Variants in ZNF569 observed in about 807,000 individuals in gnomAD.
ZNF569 encodes zinc finger protein 569.
Under a neutral mutation model 56.3 loss-of-function variants are expected in ZNF569, and 38 were observed. That is an observed-to-expected ratio of 0.68 (90% confidence interval 0.52 to 0.88). The LOEUF (loss-of-function observed/expected upper bound fraction) is 0.88, where lower values mean the gene tolerates loss of function less well. ZNF569 is among the 40% of genes least tolerant of loss of function. ZNF569 has a pLI of 0.00. For missense variants in ZNF569, 666 were observed against 809.2 expected (o/e 0.82, Z 2.15); for synonymous variants, 241 against 262.9 (o/e 0.92, Z 0.81).
intron 3 of ZNF569, among the ~76,000 whole-genome samples, chr19:37,436,645 A>C (rs1206142976): frequency 1.3e-5 from 2 of 152,072 alleles, no homozygotes; most frequent in African/African-American, 4.8e-5. Flanking sequence ...GAGACATTAT[A>C]ACCAATACTG....
At chr19:37,443,370 G>A (rs773124193) in intron 3 of ZNF569, among the ~76,000 whole-genome samples, 11 of 151,952 alleles carry the variant, frequency 7.2e-5, no homozygotes, top group East Asian at 5.8e-4. Flanking sequence ...AAAAAACCAC[G>A]GTCAAAGAAA....
chr19:37,443,079 T>C (rs7256130), intron 3 of ZNF569, among the ~76,000 whole-genome samples: 41,513 of 152,100 alleles, frequency 0.27, 7,100 homozygotes, highest in African/African-American at 0.48. Context: ...GTCGGCCGGG[T>C]GCTGAGGCTC....
At chr19:37,437,668 C>G (rs117424886) in intron 3 of ZNF569, among the ~76,000 whole-genome samples, 1,587 of 152,176 alleles carry the variant, frequency 0.01, 11 homozygotes, top group Non-Finnish European at 0.016. Flanking sequence ...AAATCAATAG[C>G]ATTTCTATAT....
At chr19:37,459,709 A>G (rs1329614387) in intron 2 of ZNF569, among the ~76,000 whole-genome samples, 2 of 152,226 alleles carry the variant, frequency 1.3e-5, no homozygotes, top group Non-Finnish European at 2.9e-5. Context: ...TAAAAGATAA[A>G]TGTTTGTTAA....
upstream of ZNF569, chr19:37,467,902 T>C: frequency 6.5e-7 from 1 of 1,536,108 alleles, no homozygotes; most frequent in Non-Finnish European, 8.7e-7. Context: ...TGTGCATGTA[T>C]TTGTTCTTTC....
At chr19:37,427,070 C>T (rs2041145353) in intron 3 of ZNF569, among the ~76,000 whole-genome samples, 1 of 152,138 alleles carries the variant, frequency 6.6e-6, no homozygotes, top group Non-Finnish European at 1.5e-5. Context: ...GTAATCCCAG[C>T]ACTTTAGGAG....
At chr19:37,421,731 A>ACTGTAGTG (rs2041038798) in intron 5 of ZNF569, among the ~76,000 whole-genome samples, 1 of 145,012 alleles carries the variant, frequency 6.9e-6, no homozygotes, top group African/African-American at 2.6e-5. Context: ...TTGTGTGTAT[A>ACTGTAGTG]CTGTAGTGGC....
chr19:37,431,394 C>CA (rs1458402216), intron 3 of ZNF569, among the ~76,000 whole-genome samples: 1 of 152,156 alleles, frequency 6.6e-6, no homozygotes. Context: ...CAGAGGCCCC[C>CA]ATTCCATGCG....
At chr19:37,465,811 A>G (rs949174916) in intron 1 of ZNF569, among the ~76,000 whole-genome samples, 1 of 152,220 alleles carries the variant, frequency 6.6e-6, no homozygotes, top group East Asian at 1.9e-4. Flanking sequence ...AAAATTTAGA[A>G]AAGTATATTT....
At chr19:37,458,095 A>G (rs1475490370) in intron 2 of ZNF569, among the ~76,000 whole-genome samples, 1 of 152,196 alleles carries the variant, frequency 6.6e-6, no homozygotes, top group East Asian at 1.9e-4. Flanking sequence ...GGTCTTGAAC[A>G]CTTGGGCTCA....
In ZNF569 at chr19:37,413,464, A is replaced by G; in HGVS notation, c.1194T>C (p.Thr398=). ...CACCAGTGTGACTTCTCATATGTAC[A>G]GTAAGGGCTGAGCTTTGAGAGAAGG... ...GKAFSQSSAL[T]VHMRSHTGEK... Residue 398 remains threonine (T), a synonymous_variant, in exon 6 of 6, where the codon ACT becomes ACC. Coordinates refer to ENST00000316950, the MANE Select transcript of ZNF569 (RefSeq NM_152484.3). The G allele has an allele frequency of 6.2e-7, 1 of 1,613,836 alleles. No homozygotes were observed. Among genetic ancestry groups the G allele is most frequent in the Non-Finnish European group, 8.5e-7 (1 of 1,179,912 alleles).
At chr19:37,461,443 A>G (rs1238073361) in intron 2 of ZNF569, among the ~76,000 whole-genome samples, 1 of 151,570 alleles carries the variant, frequency 6.6e-6, no homozygotes, top group East Asian at 1.9e-4. Context: ...AGTAGCTGGG[A>G]CTACAGGTGT....
At chr19:37,438,101 C>T (rs2041342907) in intron 3 of ZNF569, among the ~76,000 whole-genome samples, 1 of 152,046 alleles carries the variant, frequency 6.6e-6, no homozygotes, top group South Asian at 2.1e-4. Context: ...ATGGTACTGA[C>T]ATAAAAGTAG....
chr19:37,469,202 G>A (rs967143990), upstream of ZNF569: 2 of 1,278,236 alleles, frequency 1.6e-6, no homozygotes, highest in Non-Finnish European at 1.0e-6. Context: ...GTGGGGAGGA[G>A]GCCGTGTTAC....
chr19:37,466,719 CA>C (rs1367789985), intron 1 of ZNF569: 1 of 152,352 alleles, frequency 6.6e-6, no homozygotes, highest in East Asian at 1.9e-4. Context: ...CACACATCTA[CA>C]CCCACAAGCA....
chr19:37,417,840 T>A (rs1296224898), intron 5 of ZNF569, among the ~76,000 whole-genome samples: 2 of 152,094 alleles, frequency 1.3e-5, no homozygotes, highest in Non-Finnish European at 2.9e-5. Context: ...CCGGGTGCGA[T>A]GGCACACGCC....
intron 2 of ZNF569, chr19:37,455,166 A>T (rs2041652999): frequency 3.1e-6 from 1 of 322,730 alleles, no homozygotes; most frequent in Non-Finnish European, 5.6e-6. Flanking sequence ...CCTTGCAAAT[A>T]AAGTTAGGAT....
chr19:37,418,712 C>G (rs1362417814), intron 5 of ZNF569, among the ~76,000 whole-genome samples: 1 of 152,114 alleles, frequency 6.6e-6, no homozygotes, highest in Non-Finnish European at 1.5e-5. Context: ...AAACAATTGC[C>G]TGCACTGTGC....
intron 2 of ZNF569, among the ~76,000 whole-genome samples, chr19:37,459,564 T>C (rs1404359039): frequency 8.3e-6 from 1 of 120,340 alleles, no homozygotes; most frequent in Non-Finnish European, 2.1e-5. Context: ...CTGTAAGAAA[T>C]GTTAAAAAGT....
Sources: allele counts gnomAD v4.1 joint callset (sites outside exome capture counted in the v4.1 genomes callset), GRCh38; gene constraint gnomAD v4.1.1; transcripts MANE v1.5; gene names NCBI Gene and HGNC (gene_info 2026-07-23, HGNC 2026-07-21).